The following ASB3 variants were observed in gnomAD, a reference collection of about 807,000 sequenced individuals.
ASB3 encodes the protein ankyrin repeat and SOCS box protein 3.
In ASB3, 41 loss-of-function variants were observed where a neutral mutation model predicts 54.5. The ratio of observed to expected loss-of-function variants is 0.75; its 90% CI spans 0.59 to 0.98. The LOEUF (loss-of-function observed/expected upper bound fraction) is 0.98, where lower values mean the gene tolerates loss of function less well. ASB3 is among the 50% of genes least tolerant of loss of function. The pLI is 0.00. For synonymous variants in ASB3, 266 were observed against 221.2 expected, an observed-to-expected ratio of 1.20 and a Z score of -1.80; for missense variants, 733 against 620.0, an observed-to-expected ratio of 1.18 and a Z score of -1.94.
rs746929491 is a variant in ASB3 at position 53,716,726 on chromosome 2, G to C, written c.622C>G (p.Gln208Glu). 13 of 1,612,832 alleles carry C rather than the reference G, an allele frequency of 8.1e-6. No individual in the cohort carries two copies. The highest frequency in any genetic ancestry group is 4.5e-5 in the East Asian group (2 of 44,840). The change falls in exon 6 of 10, where the codon CAA (glutamine) becomes GAA (glutamate). Residue 208 changes from glutamine to glutamate, a missense_variant. By Grantham distance (29) the Gln-to-Glu change is conservative. Coordinates refer to ENST00000263634, the MANE Select transcript of ASB3 (RefSeq NM_016115.5). ...LISSGANVNC[Q>E]ALDKATPLFI... ...AAGGGTGTAGCTTTGTCCAAGGCTT[G>C]ACAATTGACATTTGCACCTAAGGGT...
At chr2:53,730,553 G>T (rs187147827) in intron 3 of ASB3, among the ~76,000 whole-genome samples, 1 of 152,088 alleles carries the variant, frequency 6.6e-6, no homozygotes, top group Non-Finnish European at 1.5e-5. Flanking sequence ...ATTCCTCTGG[G>T]TATATACCCA....
At chr2:53,689,831 C>T (rs1220497991) in intron 9 of ASB3, among the ~76,000 whole-genome samples, 1 of 151,886 alleles carries the variant, frequency 6.6e-6, no homozygotes, top group East Asian at 1.9e-4. Flanking sequence ...TGAAGATCAA[C>T]TGTTACTTAA....
intron 1 of ASB3, among the ~76,000 whole-genome samples, chr2:53,770,304 T>G (rs1482424175): frequency 6.6e-6 from 1 of 152,114 alleles, no homozygotes; most frequent in Admixed American, 6.5e-5. Flanking sequence ...ACAAATTATC[T>G]ATACGAACAG....
At chr2:53,778,683 C>G (rs1343822861) in intron 1 of ASB3, among the ~76,000 whole-genome samples, 1 of 152,130 alleles carries the variant, frequency 6.6e-6, no homozygotes, top group East Asian at 1.9e-4. Flanking sequence ...TAATGTTCTC[C>G]AATCCATCCA....
At chr2:53,754,353 T>C (rs950127087) in intron 2 of ASB3, among the ~76,000 whole-genome samples, 6 of 152,172 alleles carry the variant, frequency 3.9e-5, no homozygotes, top group Non-Finnish European at 7.3e-5. Flanking sequence ...TTCCCACTTC[T>C]GGAGTGCAAG....
At chr2:53,704,170 G>T (rs573092798) in intron 7 of ASB3, among the ~76,000 whole-genome samples, 3 of 152,036 alleles carry the variant, frequency 2.0e-5, no homozygotes, top group Non-Finnish European at 2.9e-5. Context: ...AGACCAGCCT[G>T]ACCAACATGG....
rs546463580 is a variant in ASB3 at position 53,726,841 on chromosome 2, G to A, written c.604+1871C>T. Among the ~76,000 whole-genome samples the A allele has an allele frequency of 3.3e-5, 5 of 151,820 alleles. No individual in the cohort carries two copies. In the South Asian group the frequency reaches 6.2e-4, roughly 19 times the overall value. On this transcript the variant is annotated intron_variant, in intron 5 of 9. Coordinates refer to ENST00000263634, the MANE Select transcript of ASB3 (RefSeq NM_016115.5). ...CCTCCCCAGTAGCTCGGACAGGTGC[G>A]TGCCACCACACCGGGCTAATTTTTG... is the stretch of plus-strand genomic sequence containing the variant.
intron 5 of ASB3, among the ~76,000 whole-genome samples, chr2:53,721,230 A>T (rs1183323085): frequency 1.3e-5 from 2 of 151,618 alleles, no homozygotes; most frequent in Non-Finnish European, 2.9e-5. Flanking sequence ...TACCAAGAAG[A>T]TCTTCCAAAA....
In ASB3 at chr2:53,714,410, A is replaced by C; in HGVS notation, c.954T>G (p.Ser318=). 1 of 1,614,232 alleles carries C rather than the reference A, an allele frequency of 6.2e-7. No individual in the cohort carries two copies. The highest frequency in any genetic ancestry group is 8.5e-7 in the Non-Finnish European group (1 of 1,180,018). ...CCTTTTGGAAAGCCATGCACACAGG[A>C]GAACTGAATCCAAAAACAAGGCACG... ...AQACLVFGFS[S]PVCMAFQKDC... Residue 318 remains serine (S), a synonymous_variant, in exon 7 of 10, where the codon TCT becomes TCG. Transcript: ENST00000263634.
chr2:53,685,385 G>C (rs879504165), intron 9 of ASB3, among the ~76,000 whole-genome samples: 2 of 152,130 alleles, frequency 1.3e-5, no homozygotes, highest in South Asian at 4.1e-4. Flanking sequence ...TCCAGAAATG[G>C]AAGAACTTTC....
At chr2:53,707,974 A>AAAAAAG (rs1481893489) in intron 7 of ASB3, among the ~76,000 whole-genome samples, 13 of 149,354 alleles carry the variant, frequency 8.7e-5, no homozygotes, top group African/African-American at 2.5e-4. Flanking sequence ...AAAAAAAAAA[A>AAAAAAG]AAAGAAAGAA....
At chr2:53,714,315 A>G in intron 7 of ASB3, 69 bp downstream of exon 7, 1 of 1,546,922 alleles carries the variant, frequency 6.5e-7, no homozygotes, top group Non-Finnish European at 8.7e-7. Flanking sequence ...CGTGAAAGAA[A>G]GTCACTTCAA....
intron 7 of ASB3, among the ~76,000 whole-genome samples, chr2:53,702,711 ACCACTCCGCT>A (rs1360812726): frequency 1.3e-5 from 2 of 152,178 alleles, no homozygotes; most frequent in Admixed American, 1.3e-4. Context: ...CACATTTTCT[ACCACTCCGCT>A]CCTTGAAGTT....
At chr2:53,768,818 A>C (rs192094389) in intron 1 of ASB3, among the ~76,000 whole-genome samples, 1 of 152,246 alleles carries the variant, frequency 6.6e-6, no homozygotes, top group African/African-American at 2.4e-5. Flanking sequence ...TGCTTATGCA[A>C]ATCAGCTTTG....
chr2:53,715,163 G>A (rs990435683), intron 6 of ASB3, among the ~76,000 whole-genome samples: 1 of 152,040 alleles, frequency 6.6e-6, no homozygotes, highest in Non-Finnish European at 1.5e-5. Flanking sequence ...GATTTATAAA[G>A]AAGCTGGCTC....
At chr2:53,689,524 T>C (rs551559814) in intron 9 of ASB3, among the ~76,000 whole-genome samples, 1 of 152,336 alleles carries the variant, frequency 6.6e-6, no homozygotes, top group African/African-American at 2.4e-5. Flanking sequence ...CAGAAAGGAT[T>C]ACAGACCAAT....
At chr2:53,688,264 G>C (rs1481467794) in intron 9 of ASB3, among the ~76,000 whole-genome samples, 1 of 152,196 alleles carries the variant, frequency 6.6e-6, no homozygotes, top group African/African-American at 2.4e-5. Flanking sequence ...TTTACTTCTT[G>C]CTCATGCAAA....
rs572769531 is a variant in ASB3, at chr2:53,728,746, G to C, written c.570C>G (p.Gly190=). ...TAAGTATGCTCAAGCTTTCTAGCTT[G>C]CCATACTGAGCAGCCACAAATAAAG... The part of the protein sequence containing the change: ...ITPLFVAAQY[G]KLESLSILIS... The change falls in exon 5 of 10, where the codon GGC becomes GGG. Residue 190 remains glycine (G), a synonymous_variant. Coordinates refer to ENST00000263634, the MANE Select transcript of ASB3 (RefSeq NM_016115.5). The C allele has an allele frequency of 1.4e-5, 22 of 1,610,480 alleles. No homozygotes were observed. In the African/African-American group the frequency reaches 2.9e-4, roughly 21 times the overall value.
chr2:53,744,384 C>CAAAAAAAAAAAAAAAAAA (rs779225958), intron 3 of ASB3, among the ~76,000 whole-genome samples: 3 of 139,954 alleles, frequency 2.1e-5, no homozygotes, highest in African/African-American at 5.6e-5. Flanking sequence ...GACTCTGTCT[C>CAAAAAAAAAAAAAAAAAA]AAAAAAATAA....
Sources: allele counts gnomAD v4.1 joint callset (sites outside exome capture counted in the v4.1 genomes callset), GRCh38; gene constraint gnomAD v4.1.1; transcripts MANE v1.5; gene names NCBI Gene and HGNC (gene_info 2026-07-23, HGNC 2026-07-21).